Variants in NEGR1 observed in about 807,000 individuals in gnomAD.
NEGR1 encodes neuronal growth regulator 1.
A neutral mutation model predicts 40.9 loss-of-function variants in NEGR1; 10 were observed. The observed-to-expected ratio is 0.24, with a 90% CI of 0.15 to 0.42. NEGR1 has a LOEUF of 0.42. NEGR1 is among the 10% of genes least tolerant of loss of function. The pLI is 1.00. For missense variants in NEGR1, 352 were observed against 438.9 expected (o/e 0.80, Z 1.77); for synonymous variants, 185 against 166.8 (o/e 1.11, Z -0.84).
At chr1:71,844,622 G>A (rs989020243) in intron 2 of NEGR1, among the ~76,000 whole-genome samples, 3 of 152,174 alleles carry the variant, frequency 2.0e-5, no homozygotes, top group Admixed American at 6.5e-5. Context: ...AAACCACTCT[G>A]AGTTCTCCTG....
intron 2 of NEGR1, among the ~76,000 whole-genome samples, chr1:71,924,250 A>G (rs113081287): frequency 4.5e-4 from 69 of 152,162 alleles, no homozygotes; most frequent in African/African-American, 1.5e-3. Context: ...ACATTGGGAG[A>G]CTGTATCATT....
chr1:72,276,667 G>A (rs1656058509), intron 1 of NEGR1, among the ~76,000 whole-genome samples: 1 of 151,836 alleles, frequency 6.6e-6, no homozygotes, highest in Non-Finnish European at 1.5e-5. Context: ...TAACTTCTAT[G>A]CGTGTTTCCT....
intron 1 of NEGR1, among the ~76,000 whole-genome samples, chr1:72,155,935 T>C (rs1026149005): frequency 6.6e-6 from 1 of 152,144 alleles, no homozygotes; most frequent in African/African-American, 2.4e-5. Flanking sequence ...CAGGTCTCAA[T>C]GAAATGTCAC....
At chr1:72,208,862 A>G (rs1182098471) in intron 1 of NEGR1, among the ~76,000 whole-genome samples, 3 of 151,700 alleles carry the variant, frequency 2.0e-5, no homozygotes, top group Non-Finnish European at 4.4e-5. Flanking sequence ...ACAGACAGAA[A>G]TCAAACAGTC....
At chr1:71,469,222 G>A (rs1360083742) in intron 6 of NEGR1, among the ~76,000 whole-genome samples, 3 of 151,854 alleles carry the variant, frequency 2.0e-5, no homozygotes, top group Admixed American at 6.6e-5. Flanking sequence ...GCAACTAAAC[G>A]ATGTGTCTTT....
At chr1:71,542,725 G>A (rs1647754819) in intron 6 of NEGR1, among the ~76,000 whole-genome samples, 1 of 151,738 alleles carries the variant, frequency 6.6e-6, no homozygotes, top group South Asian at 2.1e-4. Flanking sequence ...CAAGAGCCAA[G>A]TGTTTTTAGC....
At position 72,000,236 on chromosome 1, in the gene NEGR1, G is replaced by A. The variant is rs189788356; in HGVS notation, c.177-64925C>T. On this transcript the variant is annotated intron_variant, in intron 1 of 6. Transcript: ENST00000357731. ...TTGAACTTTGGACAAAGGTAGTTAT[G>A]GGTATAATTAGAATGAATATTATTA... is the stretch of plus-strand genomic sequence containing the variant. Among the ~76,000 whole-genome samples the A allele has an allele frequency of 1.4e-4, 22 of 151,976 alleles. No individual in the cohort carries two copies. In the East Asian group the frequency reaches 1.9e-3, roughly 13 times the overall value.
At position 71,917,732 on chromosome 1, in the gene NEGR1, A is replaced by G. The variant is rs530332429; in HGVS notation, c.409+17347T>C. On this transcript the variant is annotated intron_variant, in intron 2 of 6. Transcript: ENST00000357731. Reference sequence around the variant, plus strand: ...GAGGCGGAGCTTGCAGTGAGCCCAGATTGCGCCACTGCACTCCAGCCTGGG... The same window carrying G: ...GAGGCGGAGCTTGCAGTGAGCCCAGGTTGCGCCACTGCACTCCAGCCTGGG... 4.9e-4 allele frequency among the ~76,000 whole-genome samples: 74 copies of G among 149,516 alleles called. 2 individuals are homozygous for G. In the East Asian group the frequency reaches 0.013, roughly 27 times the overall value.
At chr1:72,224,844 G>A (rs1243478664) in intron 1 of NEGR1, among the ~76,000 whole-genome samples, 2 of 152,020 alleles carry the variant, frequency 1.3e-5, no homozygotes, top group African/African-American at 4.8e-5. Context: ...TGTAATACAA[G>A]ATTAGTTAAG....
intron 2 of NEGR1, among the ~76,000 whole-genome samples, chr1:71,855,836 T>C (rs567853178): frequency 6.6e-6 from 1 of 152,078 alleles, no homozygotes; most frequent in Non-Finnish European, 1.5e-5. Flanking sequence ...TTAGAAAAAA[T>C]ATATTCTGAG....
At chr1:71,568,832 G>A (rs11589328) in intron 6 of NEGR1, among the ~76,000 whole-genome samples, 59,590 of 106,854 alleles carry the variant, frequency 0.56, 13,798 homozygotes, top group Non-Finnish European at 0.6. Flanking sequence ...ATGTATACGT[G>A]TGTGTGTGTG....
chr1:71,604,816 G>A (rs112006320), intron 5 of NEGR1, among the ~76,000 whole-genome samples: 1 of 152,018 alleles, frequency 6.6e-6, no homozygotes, highest in Non-Finnish European at 1.5e-5. Context: ...AAATGATAAT[G>A]ACCATCACAT....
intron 1 of NEGR1, among the ~76,000 whole-genome samples, chr1:71,964,680 G>A: frequency 6.6e-6 from 1 of 151,998 alleles, no homozygotes; most frequent in East Asian, 1.9e-4. Context: ...AATATGAAAT[G>A]GTTGCTATTT....
intron 2 of NEGR1, among the ~76,000 whole-genome samples, chr1:71,809,865 C>T (rs1657925402): frequency 6.6e-6 from 1 of 152,046 alleles, no homozygotes; most frequent in Non-Finnish European, 1.5e-5. Context: ...GAAAGTCTTA[C>T]CAACCTGTGA....
At chr1:71,925,533 A>G (rs1383399102) in intron 2 of NEGR1, among the ~76,000 whole-genome samples, 1 of 152,180 alleles carries the variant, frequency 6.6e-6, no homozygotes, top group African/African-American at 2.4e-5. Context: ...TTGGTGCTAC[A>G]TATGATTAAT....
chr1:72,160,990 C>A (rs1651534569), intron 1 of NEGR1, among the ~76,000 whole-genome samples: 1 of 152,118 alleles, frequency 6.6e-6, no homozygotes, highest in South Asian at 2.1e-4. Flanking sequence ...TAACCCAGAA[C>A]TTCTGTGTTT....
intron 1 of NEGR1, among the ~76,000 whole-genome samples, chr1:72,197,469 T>A (rs973564045): frequency 5.3e-5 from 8 of 152,060 alleles, no homozygotes; most frequent in African/African-American, 1.7e-4. Context: ...GCCAATGAGC[T>A]ATCTCTATAA....
intron 2 of NEGR1, among the ~76,000 whole-genome samples, chr1:71,904,770 T>C (rs2101866961): frequency 6.6e-6 from 1 of 152,246 alleles, no homozygotes; most frequent in Non-Finnish European, 1.5e-5. Flanking sequence ...CAGAAAGAAC[T>C]CAAAATCCAA....
intron 3 of NEGR1, among the ~76,000 whole-genome samples, chr1:71,770,045 C>G (rs528234390): frequency 2.0e-5 from 3 of 152,158 alleles, no homozygotes; most frequent in Non-Finnish European, 4.4e-5. Flanking sequence ...ATCTTAATCA[C>G]TAGGCCCTAC....
Sources: allele counts gnomAD v4.1 joint callset (sites outside exome capture counted in the v4.1 genomes callset), GRCh38; gene constraint gnomAD v4.1.1; transcripts MANE v1.5; gene names NCBI Gene and HGNC (gene_info 2026-07-23, HGNC 2026-07-21).